The following EIF2B5 variants were observed in gnomAD, a reference collection of about 807,000 sequenced individuals.
The protein encoded by EIF2B5 is eukaryotic translation initiation factor 2B subunit epsilon.
EIF2B5 carries 38 observed loss-of-function variants against 87.3 expected under a neutral mutation model. That is an observed-to-expected ratio of 0.44 (90% CI 0.34 to 0.57). EIF2B5 has a LOEUF of 0.57. Ranked by LOEUF, EIF2B5 falls within the 20% of genes least tolerant of loss-of-function variation. The pLI is 0.02. For synonymous variants in EIF2B5, 313 were observed against 339.6 expected (o/e 0.92, Z 0.86); for missense variants, 784 against 909.5 (o/e 0.86, Z 1.78).
At chr3:184,136,496 A>G (rs780401689) in intron 1 of EIF2B5, 116 bp from the exon 2 acceptor site, 54 of 1,391,152 alleles carry the variant, frequency 3.9e-5, no homozygotes, top group Admixed American at 1.9e-4. Flanking sequence ...TTTGAATTGG[A>G]AAGATACAGC....
In EIF2B5 at chr3:184,144,923, G is replaced by A. The variant is rs146951976; in HGVS notation, c.2146G>A (p.Glu716Lys). ...FIQWLKEAEE[E>K]SSEDD Reference sequence around the variant, plus strand: ...CCAGTGGCTAAAAGAGGCAGAAGAGGAGTCATCTGAAGATGACTGAAGTCA... The same window carrying A: ...CCAGTGGCTAAAAGAGGCAGAAGAGAAGTCATCTGAAGATGACTGAAGTCA... The change falls in exon 16 of 16, where the codon GAG (glutamate) becomes AAG (lysine). Residue 716 changes from glutamate to lysine, a missense_variant. Glu to Lys is a moderately conservative substitution (Grantham distance 56). Transcript: ENST00000648915. The A allele has an allele frequency of 6.2e-7, 1 of 1,613,612 alleles. No individual in the cohort carries two copies. The highest frequency in any genetic ancestry group is 1.7e-5 in the Admixed American group (1 of 59,998).
Position 184,140,562 on chromosome 3 carries a change from A to G in EIF2B5, c.988A>G (p.Ser330Gly), listed in dbSNP as rs1713586039. 6.2e-7 allele frequency: 1 copy of G among 1,614,066 alleles called. No homozygotes were observed. Among genetic ancestry groups the G allele is most frequent in the Non-Finnish European group, 8.5e-7 (1 of 1,180,048 alleles). The change falls in exon 7 of 16, where the codon AGC becomes GGC. Residue 330 changes from serine to glycine, a missense_variant. Transcript: ENST00000648915. ...CACCCCAGAGGCGAACTTCACTGAC[A>G]GCACCACCCAGAGCTGCACTCATTC... ...PLTPEANFTDSTTQSCTHSRH... is the reference protein window; with the variant it reads ...PLTPEANFTDGTTQSCTHSRH...
Position 184,142,986 on chromosome 3 carries a change from A to G in EIF2B5, c.1655-66A>G. On this transcript the variant is annotated intron_variant, in intron 11 of 15. Transcript: ENST00000648915. This position sits in a 1 kb window ranked among gnomAD's most constrained non-coding sequence, Gnocchi z 5.0. ...TCAGAAAGGGTTTGGTATCGAGTCA[A>G]GACTAGATGACTTAGAGCATTCTGA... 1 of 1,574,212 alleles carries G rather than the reference A, an allele frequency of 6.4e-7. No individual in the cohort carries two copies.
In EIF2B5 at chr3:184,142,347, T is replaced by C. The variant is rs757078579; in HGVS notation, c.1413T>C (p.Ala471=). The C allele has an allele frequency of 6.2e-7, 1 of 1,614,184 alleles. No individual in the cohort carries two copies. Among genetic ancestry groups the C allele is most frequent in the Non-Finnish European group, 8.5e-7 (1 of 1,180,034 alleles). ...DDGEFSDDSG[A]DQEKDKVKMK... is the part of the protein sequence containing the mutation. The stretch of plus-strand genomic sequence containing the variant: ...GCGAGTTCAGTGATGATTCTGGGGC[T>C]GACCAAGAAAAGGACAAAGTGAAGA... The change falls in exon 9 of 16, where the codon GCT becomes GCC. Residue 471 remains alanine (A), a synonymous_variant. Coordinates refer to ENST00000648915, the MANE Select transcript of EIF2B5 (RefSeq NM_003907.3). This position sits in a 1 kb window ranked among gnomAD's most constrained non-coding sequence, Gnocchi z 5.0.
intron 2 of EIF2B5, 43 bp downstream of exon 2, chr3:184,136,779 T>C: frequency 6.2e-7 from 1 of 1,613,922 alleles, no homozygotes; most frequent in South Asian, 1.1e-5. Context: ...GCCATCTTTT[T>C]CCAGTTTTTT....
At position 184,140,134 on chromosome 3, in the gene EIF2B5, C is replaced by T. The variant is rs1334515681; in HGVS notation, c.820C>T (p.Arg274Ter). The T allele has an allele frequency of 1.1e-5, 17 of 1,613,666 alleles. No individual in the cohort carries two copies. Among genetic ancestry groups the T allele is most frequent in the East Asian group, 4.5e-5 (2 of 44,880 alleles). The change falls in exon 6 of 16, where the codon CGA becomes TGA. Residue 274 changes from arginine to a stop codon, truncating the protein, a stop_gained. Coordinates refer to ENST00000648915, the MANE Select transcript of EIF2B5 (RefSeq NM_003907.3). LOFTEE classifies it high-confidence loss of function. Reference sequence around the variant, plus strand: ...CTACCAAACTCGAGATGACTTTGTGCGAGGTCTCTTAGTGAATGAGGAGGT... The same window carrying T: ...CTACCAAACTCGAGATGACTTTGTGTGAGGTCTCTTAGTGAATGAGGAGGT... ...FDYQTRDDFVRGLLVNEEILG... is the reference protein window; with the variant it reads ...FDYQTRDDFV
At chr3:184,143,242 A>C in intron 12 of EIF2B5, 100 bp downstream of exon 12, 1 of 1,487,312 alleles carries the variant, frequency 6.7e-7, no homozygotes, top group South Asian at 1.2e-5. Flanking sequence ...TTCCTTCGAC[A>C]TCCCAAATGG....
chr3:184,137,547 G>T lies in EIF2B5; in HGVS notation c.321-73G>T. 2.7e-6 allele frequency: 4 copies of T among 1,495,022 alleles called. No individual in the cohort carries two copies. In the South Asian group the frequency reaches 4.5e-5, roughly 17 times the overall value. The allele number at this position is 1,495,022 out of a possible 1,614,324, so 92.6% of individuals were successfully genotyped here. ...AGAAGGACTGTGAGTGCTGAAAGGGGGTGAAAAATGGGGAAGGCTCAAATG... is the reference window on the plus strand; with the variant it reads ...AGAAGGACTGTGAGTGCTGAAAGGGTGTGAAAAATGGGGAAGGCTCAAATG... On this transcript the variant is annotated intron_variant, in intron 2 of 15. Coordinates refer to ENST00000648915, the MANE Select transcript of EIF2B5 (RefSeq NM_003907.3).
intron 2 of EIF2B5, chr3:184,137,174 G>C (rs919331319): frequency 8.9e-6 from 3 of 336,384 alleles, no homozygotes; most frequent in Non-Finnish European, 1.7e-5. Flanking sequence ...TTACATGTTT[G>C]TTGAAATCTT....
chr3:184,137,087 C>A, intron 2 of EIF2B5: 1 of 360,948 alleles, frequency 2.8e-6, no homozygotes, highest in South Asian at 2.4e-5. Context: ...TTGTTCTCAC[C>A]TTCAAGGATA....
chr3:184,144,547 C>G, intron 14 of EIF2B5, 50 bp from the exon 15 acceptor site: 2 of 1,529,686 alleles, frequency 1.3e-6, no homozygotes, highest in Non-Finnish European at 1.8e-6. Context: ...GTAGAGTATC[C>G]TGCTGGACTT....
At chr3:184,144,731 G>A (rs368815708) in intron 15 of EIF2B5, 24 bp downstream of exon 15, 29 of 1,605,276 alleles carry the variant, frequency 1.8e-5, no homozygotes, top group South Asian at 7.8e-5. Flanking sequence ...TCCTCCTCTC[G>A]CCAAGATGGT....
At chr3:184,138,954 T>A in intron 5 of EIF2B5, 1 of 242,776 alleles carries the variant, frequency 4.1e-6, no homozygotes, top group Non-Finnish European at 8.4e-6. Flanking sequence ...GAGCCACCAG[T>A]TTTTTTTGTT....
chr3:184,143,502 G>A lies in EIF2B5; in HGVS notation c.1806G>A (p.Glu602=). The stretch of plus-strand genomic sequence containing the variant: ...AGGTACTGAGCCACGTGGTCCTGGA[G>A]TTCCCCCTGCAACAGATGGATTCCC... The part of the protein sequence containing the change: ...VMQVLSHVVL[E]FPLQQMDSPL... Residue 602 remains glutamate (E), a synonymous_variant, in exon 13 of 16, where the codon GAG becomes GAA. Transcript: ENST00000648915. 6.2e-7 allele frequency: 1 copy of A among 1,614,172 alleles called. No homozygotes were observed. Among genetic ancestry groups the A allele is most frequent in the Non-Finnish European group, 8.5e-7 (1 of 1,180,012 alleles).
rs766164561 is a variant in EIF2B5, at chr3:184,142,742, CTT to C, written c.1547-31_1547-30del. 18 of 1,597,034 alleles carry C rather than the reference CTT, an allele frequency of 1.1e-5. No homozygotes were observed. Among genetic ancestry groups the C allele is most frequent in the Non-Finnish European group, 1.5e-5 (18 of 1,169,030 alleles). ...GGTATATTGCTCTCTGTCAATGACT[CTT>C]TTTTTCTTTTTCCTCACCCATTATG... On this transcript the variant is annotated intron_variant, in intron 10 of 15. Coordinates refer to ENST00000648915, the MANE Select transcript of EIF2B5 (RefSeq NM_003907.3). This position sits in a 1 kb window ranked among gnomAD's most constrained non-coding sequence, Gnocchi z 5.0.
intron 13 of EIF2B5, chr3:184,143,828 A>G: frequency 3.0e-6 from 2 of 671,496 alleles, no homozygotes; most frequent in South Asian, 3.7e-5. Context: ...TTCAGACTCT[A>G]TGGCAGCAAT....
At position 184,135,845 on chromosome 3, in the gene EIF2B5, C is replaced by G. The variant is rs1277139818; in HGVS notation, c.195+265C>G. On this transcript the variant is annotated intron_variant, in intron 1 of 15. Coordinates refer to ENST00000648915, the MANE Select transcript of EIF2B5 (RefSeq NM_003907.3). Reference sequence around the variant, plus strand: ...ATGTAGAAACAGCGCTTGAGAGAAGCCTTCACGCGGGGATTCAGTGCCCCT... The same window carrying G: ...ATGTAGAAACAGCGCTTGAGAGAAGGCTTCACGCGGGGATTCAGTGCCCCT... 6 of 563,566 alleles carry G rather than the reference C, an allele frequency of 1.1e-5. No homozygotes were observed. The African/African-American group carries it at 1.1e-4, about 11-fold the overall frequency. 34.9% of individuals were successfully genotyped at this position (563,566 alleles called of 1,614,324 possible).
rs764519749 is a variant in EIF2B5 at position 184,141,983 on chromosome 3, A to C, written c.1215A>C (p.Gly405=). The change falls in exon 8 of 16, where the codon GGA becomes GGC. Residue 405 remains glycine, a synonymous_variant. Coordinates refer to ENST00000648915, the MANE Select transcript of EIF2B5 (RefSeq NM_003907.3). ...YLWQGVRVAA[G]AQIHQSLLCD... ...GGCAGGGTGTTCGAGTGGCGGCTGG[A>C]GCACAGATCCATCAGTCTCTGCTTT... 1.2e-6 allele frequency: 2 copies of C among 1,613,428 alleles called. No homozygotes were observed. The highest frequency in any genetic ancestry group is 2.7e-5 in the African/African-American group (2 of 74,888).
intron 5 of EIF2B5, 42 bp downstream of exon 5, chr3:184,138,288 A>C: frequency 1.3e-6 from 2 of 1,558,442 alleles, no homozygotes; most frequent in African/African-American, 2.7e-5. Flanking sequence ...AAAGAGTAGA[A>C]CTCTGTGGGT....
Sources: allele counts gnomAD v4.1 joint callset, GRCh38; gene constraint gnomAD v4.1.1; non-coding constraint Gnocchi (gnomAD v3.1); transcripts MANE v1.5; gene names NCBI Gene and HGNC (gene_info 2026-07-23, HGNC 2026-07-21).